Variants in HDAC9 observed in about 807,000 individuals in gnomAD.
The protein encoded by HDAC9 is MEF-2 interacting transcription repressor (MITR) protein.
Under a neutral mutation model 139.4 loss-of-function variants are expected in HDAC9, and 41 were observed. The ratio of observed to expected loss-of-function variants is 0.29; its 90% CI spans 0.23 to 0.38. HDAC9 has a LOEUF of 0.38. Ranked by LOEUF, HDAC9 falls within the 10% of genes least tolerant of loss-of-function variation. The pLI, the probability that HDAC9 is intolerant of heterozygous loss-of-function variation, is 1.00. For synonymous variants in HDAC9, 517 were observed against 476.2 expected (o/e 1.09, Z -1.12); for missense variants, 1,147 against 1,297.0 (o/e 0.88, Z 1.78).
chr7:18,528,948 G>A (rs1480749800), intron 2 of HDAC9, among the ~76,000 whole-genome samples: 3 of 152,094 alleles, frequency 2.0e-5, no homozygotes, highest in Non-Finnish European at 2.9e-5. Flanking sequence ...GGCTATTTTA[G>A]CCATCAGAGT....
chr7:18,178,320 G>A (rs1789113830), intron 2 of HDAC9, among the ~76,000 whole-genome samples: 1 of 152,196 alleles, frequency 6.6e-6, no homozygotes, highest in Admixed American at 6.5e-5. Context: ...TCTGACCTCA[G>A]GCAATCTGCA....
intron 1 of HDAC9, among the ~76,000 whole-genome samples, chr7:18,131,547 G>A (rs1785010872): frequency 1.3e-5 from 2 of 152,306 alleles, no homozygotes; most frequent in African/African-American, 2.4e-5. Flanking sequence ...GCAGTAGGGG[G>A]TAGAGTGTAT....
At chr7:18,747,425 C>T (rs1274156509) in intron 13 of HDAC9, among the ~76,000 whole-genome samples, 2 of 152,188 alleles carry the variant, frequency 1.3e-5, no homozygotes, top group Non-Finnish European at 2.9e-5. Context: ...AAAACAGACA[C>T]TGCTTTGGTT....
chr7:18,149,693 G>C (rs533759245), intron 1 of HDAC9, among the ~76,000 whole-genome samples: 2 of 151,972 alleles, frequency 1.3e-5, no homozygotes, highest in African/African-American at 4.8e-5. Context: ...TGGGACTATA[G>C]GTGCCCACCA....
intron 14 of HDAC9, among the ~76,000 whole-genome samples, chr7:18,751,222 CAAGTT>C (rs1788419214): frequency 6.6e-6 from 1 of 152,094 alleles, no homozygotes; most frequent in African/African-American, 2.4e-5. Context: ...ATATCAAACA[CAAGTT>C]GAGATGTCAG....
At chr7:18,523,957 C>A (rs1805951534) in intron 2 of HDAC9, among the ~76,000 whole-genome samples, 1 of 141,470 alleles carries the variant, frequency 7.1e-6, no homozygotes, top group Non-Finnish European at 1.5e-5. Context: ...CCTGGACTGG[C>A]AGAATAAGCG....
chr7:18,807,735 A>G (rs888182416), intron 17 of HDAC9, among the ~76,000 whole-genome samples: 2 of 151,898 alleles, frequency 1.3e-5, no homozygotes, highest in African/African-American at 4.8e-5. Flanking sequence ...TGAATTTCCA[A>G]TTTTCCTCTG....
chr7:18,553,148 G>T (rs1029627777), intron 2 of HDAC9, among the ~76,000 whole-genome samples: 1 of 152,038 alleles, frequency 6.6e-6, no homozygotes, highest in Non-Finnish European at 1.5e-5. Context: ...ATTTTGGCAT[G>T]GCCCAAGTCA....
chr7:18,407,701 G>C (rs2012064), intron 1 of HDAC9, among the ~76,000 whole-genome samples: 113,574 of 152,076 alleles, frequency 0.75, 42,537 homozygotes, highest in South Asian at 0.83. Context: ...TGCACCATTC[G>C]ATAGAACAAT....
At chr7:18,843,932 T>G (rs1796747145) in intron 21 of HDAC9, among the ~76,000 whole-genome samples, 2 of 152,176 alleles carry the variant, frequency 1.3e-5, no homozygotes, top group African/African-American at 4.8e-5. Flanking sequence ...GTTCAGATAT[T>G]ACATCTGAGA....
chr7:18,663,375 G>A (rs1793812175), intron 11 of HDAC9, among the ~76,000 whole-genome samples: 1 of 152,002 alleles, frequency 6.6e-6, no homozygotes, highest in Admixed American at 6.6e-5. Context: ...GGTGATATTT[G>A]TGGCTTCCTC....
At chr7:18,668,654 G>A in intron 12 of HDAC9, 3 of 983,202 alleles carry the variant, frequency 3.1e-6, no homozygotes, top group Non-Finnish European at 3.6e-6. Flanking sequence ...CCAGTGAAAA[G>A]GAAAGCTGGA....
At chr7:18,193,642 A>G (rs905390919) in intron 2 of HDAC9, among the ~76,000 whole-genome samples, 1 of 152,198 alleles carries the variant, frequency 6.6e-6, no homozygotes, top group Non-Finnish European at 1.5e-5. Flanking sequence ...AAGCTCACCT[A>G]TAATATTTTC....
intron 12 of HDAC9, among the ~76,000 whole-genome samples, chr7:18,701,988 C>T (rs1478235380): frequency 6.6e-6 from 1 of 152,206 alleles, no homozygotes; most frequent in Non-Finnish European, 1.5e-5. Flanking sequence ...GTGTTAGTTT[C>T]CTGCCTTCTC....
At chr7:18,591,741 C>A in intron 5 of HDAC9, 99 bp downstream of exon 5, 1 of 1,476,694 alleles carries the variant, frequency 6.8e-7, no homozygotes, top group Non-Finnish European at 9.1e-7. Flanking sequence ...CATTTCTCAG[C>A]TGTCTGGCTG....
chr7:18,909,884 T>C (rs149740663), intron 22 of HDAC9, among the ~76,000 whole-genome samples: 169 of 152,142 alleles, frequency 1.1e-3, no homozygotes, highest in Middle Eastern at 0.01. Context: ...TGAGGTCAGG[T>C]AGTTTGATGC....
intron 2 of HDAC9, among the ~76,000 whole-genome samples, chr7:18,265,066 G>A (rs1795913996): frequency 1.3e-5 from 2 of 152,182 alleles, no homozygotes; most frequent in Admixed American, 1.3e-4. Context: ...CAGAGCACAT[G>A]TGTTTAGGAG....
intron 1 of HDAC9, among the ~76,000 whole-genome samples, chr7:18,369,755 A>G (rs1240958281): frequency 6.6e-6 from 1 of 152,076 alleles, no homozygotes; most frequent in East Asian, 1.9e-4. Flanking sequence ...TTCAAGGTCC[A>G]TCAAGGAGAG....
At chr7:18,214,496 A>G (rs1251989754) in intron 2 of HDAC9, among the ~76,000 whole-genome samples, 3 of 152,132 alleles carry the variant, frequency 2.0e-5, no homozygotes, top group Non-Finnish European at 4.4e-5. Context: ...TAGATGAATT[A>G]TAACTGATGT....
Sources: allele counts gnomAD v4.1 joint callset (sites outside exome capture counted in the v4.1 genomes callset), GRCh38; gene constraint gnomAD v4.1.1; transcripts MANE v1.5; gene names NCBI Gene and HGNC (gene_info 2026-07-23, HGNC 2026-07-21).